The following MOV10 variants were observed in gnomAD, a reference collection of about 807,000 sequenced individuals.
MOV10 encodes the protein Mov10 RNA helicase.
In MOV10, 39 loss-of-function variants were observed where a neutral mutation model predicts 108.4. That is an observed-to-expected ratio of 0.36 (90% CI 0.28 to 0.47). The LOEUF is 0.47. Among genes scored for constraint, MOV10 ranks in the 20% least tolerant of loss-of-function variants. The pLI, the probability that MOV10 is intolerant of heterozygous loss-of-function variation, is 1.00. For synonymous variants in MOV10, 490 were observed against 523.1 expected, an observed-to-expected ratio of 0.94 and a Z score of 0.86; for missense variants, 952 against 1,297.6, an observed-to-expected ratio of 0.73 and a Z score of 4.09.
At chr1:112,699,375 T>C in intron 17 of MOV10, 2 of 906,192 alleles carry the variant, frequency 2.2e-6, no homozygotes, top group Non-Finnish European at 2.9e-6. Flanking sequence ...TCTTAACAGA[T>C]ACTTAGTGAT....
At chr1:112,697,926 G>C (rs1332459400) in intron 14 of MOV10, 68 bp from the exon 15 acceptor site, 6 of 1,321,252 alleles carry the variant, frequency 4.5e-6, no homozygotes, top group South Asian at 2.4e-5. Flanking sequence ...AGAGTGGGTA[G>C]AGCGGAGCCC....
rs1397547631 is a variant in MOV10, at chr1:112,674,889, G to T, written c.-24G>T. Reference sequence around the variant, plus strand: ...CAGTTTCATTTCCACGGACCCTCCTGCCTGGGCCGCAGCCGCCGCCGCGAT... The same window carrying T: ...CAGTTTCATTTCCACGGACCCTCCTTCCTGGGCCGCAGCCGCCGCCGCGAT... On this transcript the variant is annotated 5_prime_UTR_variant, in exon 2 of 21. Coordinates refer to ENST00000369645, the MANE Select transcript of MOV10 (RefSeq NM_001321324.2). 6.4e-7 allele frequency: 1 copy of T among 1,551,988 alleles called. No individual in the cohort carries two copies. The highest frequency in any genetic ancestry group is 2.6e-5 in the East Asian group (1 of 38,524).
At chr1:112,697,178 G>A (rs1674181635) in intron 14 of MOV10, among the ~76,000 whole-genome samples, 1 of 152,076 alleles carries the variant, frequency 6.6e-6, no homozygotes, top group Admixed American at 6.6e-5. Flanking sequence ...GGAGGAGGTC[G>A]GGCACAGTGG....
At chr1:112,695,364 A>G in intron 10 of MOV10, 52 bp from the exon 11 acceptor site, 2 of 1,585,938 alleles carry the variant, frequency 1.3e-6, no homozygotes, top group Non-Finnish European at 1.7e-6. Context: ...CAGCCTGGGT[A>G]CGGCTGAGTC....
chr1:112,694,809 T>C lies in MOV10; in HGVS notation c.1533T>C (p.Val511=), dbSNP rs766198605. The change falls in exon 10 of 21, where the codon GTT becomes GTC. Residue 511 remains valine, a synonymous_variant. Transcript: ENST00000369645. This position sits in a 1 kb window ranked among gnomAD's most constrained non-coding sequence, Gnocchi z 4.1. The part of the protein sequence containing the change: ...PEQLQAMRHI[V]TGTTRPAPYI... ...AGCTGCAGGCCATGAGGCACATTGT[T>C]ACGGGCACCACCCGTCCAGCCCCCT... 6 of 1,614,154 alleles carry C rather than the reference T, an allele frequency of 3.7e-6. No individual in the cohort carries two copies. In the Admixed American group the frequency reaches 8.3e-5, roughly 22 times the overall value.
intron 6 of MOV10, among the ~76,000 whole-genome samples, chr1:112,692,037 G>T (rs1673633588): frequency 6.6e-6 from 1 of 152,134 alleles, no homozygotes; most frequent in Non-Finnish European, 1.5e-5. Flanking sequence ...GTGCTGTGAA[G>T]AACTAAACAG....
At position 112,675,085 on chromosome 1, in the gene MOV10, GC is replaced by G; in HGVS notation, c.137+39del. ...GCCCACTCCCGGCCCCGAATCGCGGGCCCAGCTTGCTGCCACGACCCCCGCG... is the reference window on the plus strand; with the variant it reads ...GCCCACTCCCGGCCCCGAATCGCGGGCCAGCTTGCTGCCACGACCCCCGCG... On this transcript the variant is annotated intron_variant, in intron 2 of 20. Coordinates refer to ENST00000369645, the MANE Select transcript of MOV10 (RefSeq NM_001321324.2). This position sits in a 1 kb window ranked among gnomAD's most constrained non-coding sequence, Gnocchi z 4.7. 1 of 1,569,350 alleles carries G rather than the reference GC, an allele frequency of 6.4e-7. No individual in the cohort carries two copies. Among genetic ancestry groups the G allele is most frequent in the Admixed American group, 1.9e-5 (1 of 51,850 alleles).
At position 112,694,488 on chromosome 1, in the gene MOV10, A is replaced by C; in HGVS notation, c.1331A>C (p.Lys444Thr). The C allele has an allele frequency of 6.2e-7, 1 of 1,614,096 alleles. No individual in the cohort carries two copies. The highest frequency in any genetic ancestry group is 8.5e-7 in the Non-Finnish European group (1 of 1,180,022). Residue 444 changes from lysine (K) to threonine (T), a missense_variant, in exon 9 of 21, where the codon AAG becomes ACG. This residue lies in a region of MOV10 where 453 missense variants were observed against 611.5 expected (regional missense o/e 0.74). Transcript: ENST00000369645. This position sits in a 1 kb window ranked among gnomAD's most constrained non-coding sequence, Gnocchi z 4.1. Reference sequence around the variant, plus strand: ...CGCTTTGTGGATGGGCTGACCTTCAAGGTGAACTTTACCTTCAACCGCCAG... The same window carrying C: ...CGCTTTGTGGATGGGCTGACCTTCACGGTGAACTTTACCTTCAACCGCCAG... Reference protein sequence around the residue: ...LSRFVDGLTFKVNFTFNRQPL... With the variant: ...LSRFVDGLTFTVNFTFNRQPL...
rs1012173125 is a variant in MOV10 at position 112,695,338 on chromosome 1, T to C, written c.1621-78T>C. The C allele has an allele frequency of 2.7e-6, 4 of 1,469,212 alleles. No individual in the cohort carries two copies. The African/African-American group carries it at 5.6e-5, about 20-fold the overall frequency. 91.0% of individuals were successfully genotyped at this position (1,469,212 alleles called of 1,614,324 possible). ...GTCACCATTCACATTTCAGTCATCATAGACTTGCCCTGCCCCAGCCTGGGT... is the reference window on the plus strand; with the variant it reads ...GTCACCATTCACATTTCAGTCATCACAGACTTGCCCTGCCCCAGCCTGGGT... On this transcript the variant is annotated intron_variant, in intron 10 of 20. Transcript: ENST00000369645.
In MOV10 at chr1:112,694,993, C is replaced by T. The variant is rs1328612822; in HGVS notation, c.1620+97C>T. 1 of 1,392,616 alleles carries T rather than the reference C, an allele frequency of 7.2e-7. No individual in the cohort carries two copies. Among genetic ancestry groups the T allele is most frequent in the East Asian group, 2.4e-5 (1 of 40,832 alleles). 86.3% of individuals were successfully genotyped at this position (1,392,616 alleles called of 1,614,324 possible). A position where few individuals can be genotyped will look rare whatever the true frequency, so the allele number is the denominator to read the frequency against. On this transcript the variant is annotated intron_variant, in intron 10 of 20. Transcript: ENST00000369645. The surrounding 1 kb of genome is among the most constrained non-coding windows in gnomAD (Gnocchi z 4.1). ...AGTTCCTTCCCACTCCCGAAATGCT[C>T]CTGCTTCTAAGCAGCCATCAGAAAG...
At chr1:112,695,679 A>T in intron 11 of MOV10, 105 bp downstream of exon 11, 1 of 1,258,724 alleles carries the variant, frequency 7.9e-7, no homozygotes, top group Non-Finnish European at 1.1e-6. Context: ...GATACTTGCT[A>T]TGTGACCTTG....
intron 16 of MOV10, 65 bp downstream of exon 16, chr1:112,698,543 G>C (rs760235539): frequency 7.7e-5 from 120 of 1,548,650 alleles, no homozygotes; most frequent in Non-Finnish European, 1.0e-4. Flanking sequence ...TTAATATCCA[G>C]ACCACTAGGC....
intron 6 of MOV10, among the ~76,000 whole-genome samples, chr1:112,692,242 G>A (rs1356359784): frequency 6.6e-6 from 1 of 152,192 alleles, no homozygotes; most frequent in Non-Finnish European, 1.5e-5. Context: ...AGAGGTGGGA[G>A]AATTTCTTGA....
Position 112,675,164 on chromosome 1 carries a change from G to C in MOV10, c.137+115G>C. 1 of 1,259,652 alleles carries C rather than the reference G, an allele frequency of 7.9e-7. No homozygotes were observed. The highest frequency in any genetic ancestry group is 1.1e-6 in the Non-Finnish European group (1 of 930,354). 78.0% of individuals were successfully genotyped at this position (1,259,652 alleles called of 1,614,324 possible). Reference sequence around the variant, plus strand: ...GCAGAGGGACGCAGCTCCCCCAGCGGCTCAGGCCAGTCCCGGGGCGGCGCA... The same window carrying C: ...GCAGAGGGACGCAGCTCCCCCAGCGCCTCAGGCCAGTCCCGGGGCGGCGCA... On this transcript the variant is annotated intron_variant, in intron 2 of 20. Coordinates refer to ENST00000369645, the MANE Select transcript of MOV10 (RefSeq NM_001321324.2). The surrounding 1 kb of genome is among the most constrained non-coding windows in gnomAD (Gnocchi z 4.7).
intron 17 of MOV10, 53 bp from the exon 18 acceptor site, chr1:112,699,632 G>C: frequency 6.2e-7 from 1 of 1,610,832 alleles, no homozygotes; most frequent in East Asian, 2.2e-5. Flanking sequence ...CTGGGGTAGG[G>C]CACCCCTTTG....
intron 14 of MOV10, 34 bp downstream of exon 14, chr1:112,696,880 C>G: frequency 6.5e-7 from 1 of 1,527,052 alleles, no homozygotes; most frequent in Non-Finnish European, 8.9e-7. Context: ...CTGCCATATC[C>G]TATGCTTTCA....
intron 20 of MOV10, 31 bp from the exon 21 acceptor site, chr1:112,700,385 G>T: frequency 6.2e-7 from 1 of 1,614,004 alleles, no homozygotes; most frequent in Non-Finnish European, 8.5e-7. Context: ...GAGGTGGTAA[G>T]GAAGACACAG....
In MOV10 at chr1:112,690,019, A is replaced by G. The variant is rs752772081; in HGVS notation, c.757A>G (p.Met253Val). The change falls in exon 5 of 21, where the codon ATG (methionine) becomes GTG (valine). Residue 253 changes from methionine (M) to valine (V), a missense_variant. Around this residue, in one of 5 missense-constraint regions of MOV10, gnomAD observed 374 missense variants for 468.6 expected, o/e 0.80. Coordinates refer to ENST00000369645, the MANE Select transcript of MOV10 (RefSeq NM_001321324.2). ...CCCCCTGGCTGCACAGCTGAAGCCC[A>G]TGACTCCCTTCAAGCGGACCCGGAT... ...HSPLAAQLKP[M>V]TPFKRTRITG... is the part of the protein sequence containing the mutation. The G allele has an allele frequency of 8.1e-6, 13 of 1,613,966 alleles. No homozygotes were observed. The highest frequency in any genetic ancestry group is 1.6e-4 in the Middle Eastern group (1 of 6,084).
At chr1:112,699,101 A>G (rs1048780466) in intron 17 of MOV10, 5 of 359,996 alleles carry the variant, frequency 1.4e-5, no homozygotes, top group African/African-American at 2.1e-5. Flanking sequence ...CCCCACCCCC[A>G]GTAGCCTCTC....
Sources: allele counts gnomAD v4.1 joint callset (sites outside exome capture counted in the v4.1 genomes callset), GRCh38; gene constraint gnomAD v4.1.1; regional missense constraint gnomAD v4.1.1; non-coding constraint Gnocchi (gnomAD v3.1); transcripts MANE v1.5; gene names NCBI Gene and HGNC (gene_info 2026-07-23, HGNC 2026-07-21).